Variants in NR3C2 observed in about 807,000 individuals in gnomAD.
The protein encoded by NR3C2 is mineralocorticoid receptor.
A neutral mutation model predicts 86.4 loss-of-function variants in NR3C2; 15 were observed. The observed-to-expected ratio is 0.17, with a 90% CI of 0.12 to 0.27. NR3C2 has a LOEUF of 0.27. Among genes scored for constraint, NR3C2 ranks in the 10% least tolerant of loss-of-function variants. The pLI, the probability that NR3C2 is intolerant of heterozygous loss-of-function variation, is 1.00. For synonymous variants in NR3C2, 458 were observed against 450.5 expected, an observed-to-expected ratio of 1.02 and a Z score of -0.21; for missense variants, 960 against 1,195.6, an observed-to-expected ratio of 0.80 and a Z score of 2.91.
At chr4:148,137,141 A>G (rs570745867) in intron 6 of NR3C2, among the ~76,000 whole-genome samples, 1 of 152,324 alleles carries the variant, frequency 6.6e-6, no homozygotes, top group Admixed American at 6.5e-5. Flanking sequence ...CAAAGCTATG[A>G]GAATAAGTTA....
intron 4 of NR3C2, among the ~76,000 whole-genome samples, chr4:148,184,436 G>A (rs960506301): frequency 2.0e-5 from 3 of 151,212 alleles, no homozygotes; most frequent in Non-Finnish European, 4.4e-5. Context: ...TGGGTGACAA[G>A]AGCAAGACTC....
chr4:148,090,062 G>T (rs1730989676), intron 8 of NR3C2, among the ~76,000 whole-genome samples: 1 of 152,196 alleles, frequency 6.6e-6, no homozygotes, highest in Admixed American at 6.5e-5. Context: ...AAGGTTCCCT[G>T]TTCTCAGGCC....
chr4:148,206,757 T>G (rs1421366807), intron 3 of NR3C2, among the ~76,000 whole-genome samples: 6 of 152,070 alleles, frequency 3.9e-5, no homozygotes, highest in Non-Finnish European at 2.9e-5. Flanking sequence ...CTGCTGAGAC[T>G]GAGAAGGGCA....
At chr4:148,203,948 T>A (rs1414745441) in intron 3 of NR3C2, among the ~76,000 whole-genome samples, 1 of 152,202 alleles carries the variant, frequency 6.6e-6, no homozygotes, top group Non-Finnish European at 1.5e-5. Context: ...TTTGAAATTA[T>A]GTTTTTAGGA....
At position 148,151,244 on chromosome 4, in the gene NR3C2, T is replaced by C. The variant is rs558230037; in HGVS notation, c.2510+1225A>G. ...TAAAATCAAACGCTGAGGGCATTAATAGAGATTCTTATTTACTCACGTCCT... is the reference window on the plus strand; with the variant it reads ...TAAAATCAAACGCTGAGGGCATTAACAGAGATTCTTATTTACTCACGTCCT... On this transcript the variant is annotated intron_variant, in intron 6 of 8. Transcript: ENST00000358102. 5.9e-5 allele frequency among the ~76,000 whole-genome samples: 8 copies of C among 136,184 alleles called. No homozygotes were observed. In the Admixed American group the frequency reaches 6.1e-4, roughly 10 times the overall value. 89.3% of individuals were successfully genotyped at this position (136,184 alleles called of 152,430 possible).
chr4:148,325,741 G>A (rs1273384971), intron 2 of NR3C2, among the ~76,000 whole-genome samples: 1 of 152,144 alleles, frequency 6.6e-6, no homozygotes, highest in African/African-American at 2.4e-5. Flanking sequence ...TTTCCCCAAT[G>A]ACTGTATCAA....
At chr4:148,400,878 A>C (rs1477542899) in intron 2 of NR3C2, among the ~76,000 whole-genome samples, 3 of 151,934 alleles carry the variant, frequency 2.0e-5, no homozygotes, top group Non-Finnish European at 2.9e-5. Flanking sequence ...GGGTTCCTCT[A>C]TTCTGTGATT....
At chr4:148,353,155 A>G (rs1286206811) in intron 2 of NR3C2, among the ~76,000 whole-genome samples, 1 of 152,106 alleles carries the variant, frequency 6.6e-6, no homozygotes, top group Non-Finnish European at 1.5e-5. Flanking sequence ...GACATGATTA[A>G]TCCAGATAAT....
At chr4:148,290,574 A>G (rs888975862) in intron 2 of NR3C2, among the ~76,000 whole-genome samples, 3 of 152,234 alleles carry the variant, frequency 2.0e-5, no homozygotes, top group African/African-American at 7.2e-5. Flanking sequence ...GGGCCCAGGA[A>G]AAAACAACTT....
At chr4:148,183,435 C>A (rs919551912) in intron 4 of NR3C2, among the ~76,000 whole-genome samples, 5 of 150,740 alleles carry the variant, frequency 3.3e-5, no homozygotes, top group African/African-American at 9.7e-5. Context: ...TACACTCCCA[C>A]CAACAGTGTA....
intron 8 of NR3C2, among the ~76,000 whole-genome samples, chr4:148,098,498 G>T (rs1731394535): frequency 1.3e-5 from 2 of 152,100 alleles, no homozygotes; most frequent in Non-Finnish European, 2.9e-5. Context: ...GCATGCAGTA[G>T]ACCTCAAAAA....
At chr4:148,384,955 T>C (rs1996025) in intron 2 of NR3C2, among the ~76,000 whole-genome samples, 13,854 of 152,220 alleles carry the variant, frequency 0.091, 1,086 homozygotes, top group East Asian at 0.41. Context: ...TCTTCCAGAA[T>C]ACCATTTTCC....
intron 8 of NR3C2, among the ~76,000 whole-genome samples, chr4:148,107,496 G>A (rs139989309): frequency 0.027 from 4,035 of 152,240 alleles, 185 homozygotes; most frequent in African/African-American, 0.091. Context: ...CCATTACTGG[G>A]TATATACCCA....
intron 2 of NR3C2, among the ~76,000 whole-genome samples, chr4:148,357,076 T>C (rs1378422267): frequency 6.6e-6 from 1 of 152,152 alleles, no homozygotes; most frequent in African/African-American, 2.4e-5. Context: ...CAAAATGTTA[T>C]ATATTCATAA....
At chr4:148,368,686 T>C (rs759037026) in intron 2 of NR3C2, among the ~76,000 whole-genome samples, 6 of 152,120 alleles carry the variant, frequency 3.9e-5, no homozygotes, top group Non-Finnish European at 7.4e-5. Context: ...CAGGAAGATA[T>C]CTGAAGACTA....
chr4:148,198,328 T>G (rs1351284642), intron 3 of NR3C2, among the ~76,000 whole-genome samples: 1 of 152,236 alleles, frequency 6.6e-6, no homozygotes, highest in Non-Finnish European at 1.5e-5. Flanking sequence ...CTTTTACAAT[T>G]TTCAATTATT....
At chr4:148,405,673 C>G (rs1285642587) in intron 2 of NR3C2, among the ~76,000 whole-genome samples, 1 of 152,176 alleles carries the variant, frequency 6.6e-6, no homozygotes, top group African/African-American at 2.4e-5. Context: ...AAGCACTTTA[C>G]AAAATGTAAC....
chr4:148,275,083 GT>G (rs1170161000), intron 2 of NR3C2, among the ~76,000 whole-genome samples: 1 of 152,160 alleles, frequency 6.6e-6, no homozygotes, highest in Non-Finnish European at 1.5e-5. Flanking sequence ...TAACTTCACT[GT>G]TTATCTTCTA....
chr4:148,363,504 C>CTTTTTTTTTTTTTTTTTTTTTTTT lies in NR3C2; in HGVS notation c.1757+71599_1757+71600insAAAAAAAAAAAAAAAAAAAAAAAA, dbSNP rs1375693723. On this transcript the variant is annotated intron_variant, in intron 2 of 8. Transcript: ENST00000358102. ...ATTAAAGTCTAGACTTCTCATAGAT[C>CTTTTTTTTTTTTTTTTTTTTTTTT]TCTTTTTTTTTTTTTTTGAGACGGA... Among the ~76,000 whole-genome samples the CTTTTTTTTTTTTTTTTTTTTTTTT allele has an allele frequency of 2.6e-3, 178 of 69,700 alleles. 54 individuals carry two copies. Among genetic ancestry groups the CTTTTTTTTTTTTTTTTTTTTTTTT allele is most frequent in the South Asian group, 4.3e-3 (6 of 1,386 alleles). 45.7% of individuals were successfully genotyped at this position (69,700 alleles called of 152,430 possible). A position where few individuals can be genotyped will look rare whatever the true frequency, so the allele number is the denominator to read the frequency against.
Sources: gnomAD v4.1 joint callset for allele counts (sites outside exome capture counted in the v4.1 genomes callset) on GRCh38, gnomAD v4.1.1 for gene constraint, MANE v1.5 for transcripts, NCBI Gene and HGNC (gene_info 2026-07-23, HGNC 2026-07-21) for gene names.